The following GSE1 variants were observed in gnomAD, a reference collection of about 807,000 sequenced individuals.
The protein encoded by GSE1 is Gse1 coiled-coil protein, also known as genetic suppressor element 1.
Under a neutral mutation model 112.6 loss-of-function variants are expected in GSE1, and 32 were observed. That is an observed-to-expected ratio of 0.28 (90% CI 0.21 to 0.38). The LOEUF (loss-of-function observed/expected upper bound fraction) is 0.38. Ranked by LOEUF, GSE1 falls within the 10% of genes least tolerant of loss-of-function variation. The pLI is 1.00. For synonymous variants in GSE1, 1,115 were observed against 735.6 expected (o/e 1.52, Z -8.35); for missense variants, 2,348 against 1,699.2 (o/e 1.38, Z -6.71).
intron 1 of GSE1, among the ~76,000 whole-genome samples, chr16:85,598,987 C>G (rs191093823): frequency 1.3e-5 from 2 of 152,340 alleles, no homozygotes; most frequent in East Asian, 3.9e-4. Context: ...CTCTCCTACT[C>G]CCCCTCAATT....
intron 1 of GSE1, chr16:85,184,971 G>A (rs965122731): frequency 6.6e-6 from 1 of 152,184 alleles, no homozygotes; most frequent in African/African-American, 2.4e-5. Flanking sequence ...AAATTGTCTA[G>A]GTCATTAACT....
At chr16:85,598,283 G>A (rs543871328) in intron 1 of GSE1, among the ~76,000 whole-genome samples, 1 of 147,262 alleles carries the variant, frequency 6.8e-6, no homozygotes, top group East Asian at 2.0e-4. Flanking sequence ...CCCATGTGCT[G>A]TGCCTGGGTT....
chr16:85,613,864 G>C (rs889801195), intron 1 of GSE1, among the ~76,000 whole-genome samples: 3,155 of 147,912 alleles, frequency 0.021, 88 homozygotes, highest in Non-Finnish European at 0.037. Context: ...GGGTGTGGGG[G>C]GGGGGGGTGC....
intron 1 of GSE1, among the ~76,000 whole-genome samples, chr16:85,341,781 T>G (rs2046629228): frequency 6.6e-6 from 1 of 151,664 alleles, no homozygotes; most frequent in South Asian, 2.1e-4. Context: ...ATTACAGGTG[T>G]GAACCACTTC....
intron 1 of GSE1, among the ~76,000 whole-genome samples, chr16:85,204,507 C>G (rs1328447615): frequency 6.6e-6 from 1 of 152,206 alleles, no homozygotes; most frequent in East Asian, 1.9e-4. Flanking sequence ...GTGAGCAATT[C>G]TGTGTTTAAC....
At chr16:85,184,968 C>G (rs1338966258) in intron 1 of GSE1, among the ~76,000 whole-genome samples, 1 of 152,182 alleles carries the variant, frequency 6.6e-6, no homozygotes, top group Non-Finnish European at 1.5e-5. Flanking sequence ...TTCAAATTGT[C>G]TAGGTCATTA....
chr16:85,240,013 C>T lies in GSE1; in HGVS notation c.2283+68206C>T, dbSNP rs1034676026. Among the ~76,000 whole-genome samples the T allele has an allele frequency of 6.6e-5, 10 of 152,230 alleles. No homozygotes were observed. The East Asian group carries it at 1.7e-3, about 26-fold the overall frequency. ...TGTAAATGTCTGTGGCCTGGTAGAA[C>T]AACCCTGGCTCAAGGGCCTAGAGTG... On this transcript the variant is annotated intron_variant, in intron 1 of 2. Coordinates refer to the GSE1 transcript ENST00000637419.
intron 1 of GSE1, among the ~76,000 whole-genome samples, chr16:85,196,265 C>T (rs1010430860): frequency 6.6e-6 from 1 of 152,128 alleles, no homozygotes. Context: ...ATGGGATAAT[C>T]TCAGTTTAGG....
intron 1 of GSE1, among the ~76,000 whole-genome samples, chr16:85,266,229 G>C (rs1168213723): frequency 6.6e-6 from 1 of 152,180 alleles, no homozygotes. Flanking sequence ...CCCCCTTCCA[G>C]CTCCGGGCGA....
intron 1 of GSE1, among the ~76,000 whole-genome samples, chr16:85,624,140 A>AC (rs1048711891): frequency 1.3e-5 from 2 of 152,086 alleles, no homozygotes; most frequent in African/African-American, 4.8e-5. Flanking sequence ...CCCGGCCGCC[A>AC]CCCGCCGTCC....
intron 2 of GSE1, among the ~76,000 whole-genome samples, chr16:85,513,381 C>G (rs1192992999): frequency 6.6e-6 from 1 of 152,124 alleles, no homozygotes; most frequent in African/African-American, 2.4e-5. Flanking sequence ...TCTCTGTGCC[C>G]CCATTTGCTC....
At chr16:85,221,132 C>T (rs1172056962) in intron 1 of GSE1, among the ~76,000 whole-genome samples, 1 of 152,002 alleles carries the variant, frequency 6.6e-6, no homozygotes, top group African/African-American at 2.4e-5. Flanking sequence ...CGGTGCAGCC[C>T]CCGCCCAGAG....
chr16:85,219,101 G>C (rs1465415578), intron 1 of GSE1, among the ~76,000 whole-genome samples: 1 of 152,134 alleles, frequency 6.6e-6, no homozygotes, highest in Non-Finnish European at 1.5e-5. Context: ...GGATGGTCTT[G>C]ATCTCCGGAC....
chr16:85,224,586 G>A (rs1431479386), intron 1 of GSE1, among the ~76,000 whole-genome samples: 6 of 152,088 alleles, frequency 3.9e-5, no homozygotes, highest in South Asian at 2.1e-4. Flanking sequence ...ACTATGTGCC[G>A]GGCACTGTTC....
At chr16:85,376,257 G>A (rs1229203023) in intron 2 of GSE1, among the ~76,000 whole-genome samples, 1 of 152,218 alleles carries the variant, frequency 6.6e-6, no homozygotes. Context: ...GCACATCTGA[G>A]CCTGAGTTTC....
intron 1 of GSE1, among the ~76,000 whole-genome samples, chr16:85,326,834 C>A (rs1036989892): frequency 2.0e-5 from 3 of 152,238 alleles, no homozygotes; most frequent in African/African-American, 7.2e-5. Context: ...TGTGGGGTCC[C>A]GATCAGTTTA....
chr16:85,290,727 G>C (rs1439429902), intron 1 of GSE1, among the ~76,000 whole-genome samples: 1 of 152,054 alleles, frequency 6.6e-6, no homozygotes, highest in Non-Finnish European at 1.5e-5. Flanking sequence ...ACAAAGATAG[G>C]AGATGGCCAC....
At chr16:85,234,180 C>A (rs1038325855) in intron 1 of GSE1, among the ~76,000 whole-genome samples, 4 of 152,130 alleles carry the variant, frequency 2.6e-5, no homozygotes, top group African/African-American at 9.7e-5. Flanking sequence ...GTATCCACTC[C>A]CCGCCCTCCT....
intron 1 of GSE1, among the ~76,000 whole-genome samples, chr16:85,573,683 C>T (rs1364651531): frequency 6.6e-6 from 1 of 152,150 alleles, no homozygotes; most frequent in East Asian, 1.9e-4. Flanking sequence ...TTAATAGCAA[C>T]ACCCAGCCAT....
Sources: gnomAD v4.1 joint callset for allele counts (sites outside exome capture counted in the v4.1 genomes callset) on GRCh38, gnomAD v4.1.1 for gene constraint, MANE v1.5 for transcripts, NCBI Gene and HGNC (gene_info 2026-07-23, HGNC 2026-07-21) for gene names.